The following B3GAT2 variants were observed in gnomAD, a reference collection of about 807,000 sequenced individuals.
The protein encoded by B3GAT2 is galactosylgalactosylxylosylprotein 3-beta-glucuronosyltransferase 2.
Under a neutral mutation model 27.8 loss-of-function variants are expected in B3GAT2, and 26 were observed. The observed-to-expected ratio is 0.93, with a 90% confidence interval of 0.68 to 1.30. The LOEUF (loss-of-function observed/expected upper bound fraction) is 1.30, where lower values mean the gene tolerates loss of function less well. B3GAT2 is among the 50% of genes most tolerant of loss of function. B3GAT2 has a pLI of 0.00. For missense variants in B3GAT2, 458 were observed against 459.0 expected (o/e 1.00, Z 0.02); for synonymous variants, 218 against 195.1 (o/e 1.12, Z -0.98).
At chr6:70,922,663 A>C (rs1772888002) in intron 1 of B3GAT2, among the ~76,000 whole-genome samples, 1 of 152,160 alleles carries the variant, frequency 6.6e-6, no homozygotes, top group Non-Finnish European at 1.5e-5. Context: ...GGGATGCAAC[A>C]AAAACAATGC....
chr6:70,865,093 TAAAAC>T (rs1004313387), intron 2 of B3GAT2, among the ~76,000 whole-genome samples: 26 of 152,122 alleles, frequency 1.7e-4, no homozygotes, highest in African/African-American at 4.6e-4. Context: ...TATCTGAAAA[TAAAAC>T]AAAAAAATGA....
At chr6:70,863,289 A>C (rs1393547928) in intron 2 of B3GAT2, among the ~76,000 whole-genome samples, 1 of 152,236 alleles carries the variant, frequency 6.6e-6, no homozygotes, top group African/African-American at 2.4e-5. Context: ...GTAATGGAGG[A>C]GCTGTGAAAA....
chr6:70,940,926 A>G (rs1765382694), intron 1 of B3GAT2, among the ~76,000 whole-genome samples: 1 of 152,068 alleles, frequency 6.6e-6, no homozygotes, highest in South Asian at 2.1e-4. Context: ...CCTAGCTTTC[A>G]CCGTTAGGAG....
chr6:70,894,142 G>A lies in B3GAT2; in HGVS notation c.722C>T (p.Ala241Val). The part of the protein sequence containing the change: ...YTGWRADRPF[A>V]IDMAGFAVSL... ...ACACTGCTCACCTGCCATGTCGATG[G>A]CAAAAGGCCTGTCTGCTCTCCAGCC... Residue 241 changes from alanine (A) to valine (V), a missense_variant, in exon 2 of 4, where the codon GCC becomes GTC. By Grantham distance (64) the Ala-to-Val change is moderately conservative. Coordinates refer to ENST00000230053, the MANE Select transcript of B3GAT2 (RefSeq NM_080742.3). The A allele has an allele frequency of 6.2e-7, 1 of 1,611,502 alleles. No individual in the cohort carries two copies. Among genetic ancestry groups the A allele is most frequent in the Non-Finnish European group, 8.5e-7 (1 of 1,178,674 alleles).
intron 1 of B3GAT2, among the ~76,000 whole-genome samples, chr6:70,911,274 G>T (rs1255398360): frequency 6.6e-6 from 1 of 152,066 alleles, no homozygotes. Flanking sequence ...TTTTCCTCTA[G>T]GGTTTTATAG....
At chr6:70,955,376 C>T (rs1449636707) in intron 1 of B3GAT2, among the ~76,000 whole-genome samples, 1 of 151,978 alleles carries the variant, frequency 6.6e-6, no homozygotes, top group Non-Finnish European at 1.5e-5. Context: ...CCTGTAGGCA[C>T]TGAAAAGCCT....
intron 2 of B3GAT2, among the ~76,000 whole-genome samples, chr6:70,892,826 G>A (rs531756444): frequency 6.6e-6 from 1 of 152,328 alleles, no homozygotes; most frequent in South Asian, 2.1e-4. Flanking sequence ...CACTCTGAGC[G>A]GGTCGAGGGC....
At chr6:70,916,354 T>C (rs940536458) in intron 1 of B3GAT2, among the ~76,000 whole-genome samples, 1 of 152,210 alleles carries the variant, frequency 6.6e-6, no homozygotes, top group Middle Eastern at 3.4e-3. Context: ...AAACAGACTA[T>C]TTGACTTCCT....
chr6:70,915,410 T>TTA (rs1415000768), intron 1 of B3GAT2, among the ~76,000 whole-genome samples: 7 of 152,258 alleles, frequency 4.6e-5, no homozygotes, highest in African/African-American at 1.7e-4. Flanking sequence ...TTTAGTTTAA[T>TTA]TAGATGCCAT....
chr6:70,900,611 T>A (rs1454698777), intron 1 of B3GAT2, among the ~76,000 whole-genome samples: 1 of 152,158 alleles, frequency 6.6e-6, no homozygotes, highest in African/African-American at 2.4e-5. Flanking sequence ...CAGCTCCTGT[T>A]TCTTTAGCCA....
At position 70,876,472 on chromosome 6, in the gene B3GAT2, G is replaced by A. The variant is rs201724630; in HGVS notation, c.737-14494C>T. 1.2e-4 allele frequency among the ~76,000 whole-genome samples: 19 copies of A among 152,248 alleles called. No homozygotes were observed. The East Asian group carries it at 3.7e-3, about 29-fold the overall frequency. On this transcript the variant is annotated intron_variant, in intron 2 of 3. Coordinates refer to ENST00000230053, the MANE Select transcript of B3GAT2 (RefSeq NM_080742.3). ...CCTTACTCTGCCATCTACTATTAAAGTGACTCAGGAAGGTACTTTCACTGT... is the reference window on the plus strand; with the variant it reads ...CCTTACTCTGCCATCTACTATTAAAATGACTCAGGAAGGTACTTTCACTGT...
At chr6:70,892,287 A>T (rs1936574956) in intron 2 of B3GAT2, among the ~76,000 whole-genome samples, 1 of 152,246 alleles carries the variant, frequency 6.6e-6, no homozygotes, top group South Asian at 2.1e-4. Context: ...AAACACATAC[A>T]TCTTTAATTT....
intron 1 of B3GAT2, among the ~76,000 whole-genome samples, chr6:70,949,323 A>G (rs1044173854): frequency 5.3e-5 from 8 of 152,244 alleles, no homozygotes; most frequent in African/African-American, 1.9e-4. Flanking sequence ...AAGGGCTAAT[A>G]TCCAGAATCT....
At chr6:70,896,197 A>G (rs1582362235) in intron 1 of B3GAT2, among the ~76,000 whole-genome samples, 1 of 147,566 alleles carries the variant, frequency 6.8e-6, no homozygotes, top group African/African-American at 2.7e-5. Context: ...GTGTGATCTC[A>G]GAGGGAGGGA....
chr6:70,890,716 T>A (rs1040204521), intron 2 of B3GAT2, among the ~76,000 whole-genome samples: 7 of 152,206 alleles, frequency 4.6e-5, no homozygotes, highest in Non-Finnish European at 1.0e-4. Context: ...TGTTGGAGAC[T>A]GTGCCCTCTA....
Position 70,956,760 on chromosome 6 carries a change from C to A in B3GAT2, c.-331G>T. The A allele has an allele frequency of 1.6e-6, 2 of 1,218,306 alleles. No homozygotes were observed. Among genetic ancestry groups the A allele is most frequent in the Non-Finnish European group, 2.1e-6 (2 of 974,748 alleles). The allele number at this position is 1,218,306 out of a possible 1,614,324, so 75.5% of individuals were successfully genotyped here. A position where few individuals can be genotyped will look rare whatever the true frequency, so the allele number is the denominator to read the frequency against. On this transcript the variant is annotated 5_prime_UTR_variant, in exon 1 of 4. Coordinates refer to ENST00000230053, the MANE Select transcript of B3GAT2 (RefSeq NM_080742.3). ...GCCGAGTGCGGGAAAGGCGCTGATCCCCACCGCGCTCTTTCTGAAGAGTGG... is the reference window on the plus strand; with the variant it reads ...GCCGAGTGCGGGAAAGGCGCTGATCACCACCGCGCTCTTTCTGAAGAGTGG...
chr6:70,929,465 A>C (rs1773023240), intron 1 of B3GAT2, among the ~76,000 whole-genome samples: 1 of 152,328 alleles, frequency 6.6e-6, no homozygotes, highest in African/African-American at 2.4e-5. Flanking sequence ...GTCTCAGCCC[A>C]AAATCTCCTT....
At chr6:70,930,591 A>T (rs1773045974) in intron 1 of B3GAT2, among the ~76,000 whole-genome samples, 1 of 152,272 alleles carries the variant, frequency 6.6e-6, no homozygotes, top group South Asian at 2.1e-4. Context: ...AAAAATGCTC[A>T]TCATCACCGG....
At position 70,856,970 on chromosome 6, in the gene B3GAT2, T is replaced by A. The variant is rs1771451558; in HGVS notation, c.*4693A>T. On this transcript the variant is annotated 3_prime_UTR_variant, in exon 4 of 4. Coordinates refer to ENST00000230053, the MANE Select transcript of B3GAT2 (RefSeq NM_080742.3). ...AGAAGAAGTGGCAAAGAAACAACTT[T>A]CCAAAGACTCCATCTTATCTCTGTA... is the stretch of plus-strand genomic sequence containing the variant. 2.5e-6 allele frequency: 4 copies of A among 1,613,886 alleles called. No homozygotes were observed. The highest frequency in any genetic ancestry group is 3.4e-6 in the Non-Finnish European group (4 of 1,179,902).
Sources: allele counts gnomAD v4.1 joint callset (sites outside exome capture counted in the v4.1 genomes callset), GRCh38; gene constraint gnomAD v4.1.1; transcripts MANE v1.5; gene names NCBI Gene and HGNC (gene_info 2026-07-23, HGNC 2026-07-21).